Variants in XPO1 observed in about 807,000 individuals in gnomAD.
The protein encoded by XPO1 is exportin-1.
XPO1 carries 5 observed loss-of-function variants against 133.3 expected under a neutral mutation model. That is an observed-to-expected ratio of 0.04 (90% confidence interval 0.02 to 0.08). XPO1 has a LOEUF of 0.08. Among genes scored for constraint, XPO1 ranks in the 10% least tolerant of loss-of-function variants. The probability of loss-of-function intolerance (pLI) is 1.00; values close to 1 mark genes in which losing one functional copy is unlikely to be tolerated. For synonymous variants in XPO1, 419 were observed against 408.2 expected, an observed-to-expected ratio of 1.03 and a Z score of -0.32; for missense variants, 506 against 1,267.5, an observed-to-expected ratio of 0.40 and a Z score of 9.12.
At chr2:61,504,948 C>T (rs976143087) in intron 4 of XPO1, among the ~76,000 whole-genome samples, 3 of 152,120 alleles carry the variant, frequency 2.0e-5, no homozygotes, top group African/African-American at 7.2e-5. Flanking sequence ...TGTTAAGTGT[C>T]AATATGCATA....
In XPO1 at chr2:61,496,894, C is replaced by G; in HGVS notation, c.873G>C (p.Met291Ile). 1 of 1,602,660 alleles carries G rather than the reference C, an allele frequency of 6.2e-7. No homozygotes were observed. Among genetic ancestry groups the G allele is most frequent in the Non-Finnish European group, 8.5e-7 (1 of 1,176,280 alleles). Residue 291 changes from methionine (M) to isoleucine (I), a missense_variant, in exon 10 of 25, where the codon ATG (methionine) becomes ATC (isoleucine). Coordinates refer to ENST00000401558, the MANE Select transcript of XPO1 (RefSeq NM_003400.4). ...ATTATATTACCTGCTTTAGTTGCAT[C>G]ATTGTCAGAGTAAATAGTGTTACAA... Reference protein sequence around the residue: ...EQFVTLFTLTMMQLKQMLPLN... With the variant: ...EQFVTLFTLTIMQLKQMLPLN...
chr2:61,526,606 CA>C, intron 2 of XPO1, 85 bp from the exon 3 acceptor site: 1 of 989,830 alleles, frequency 1.0e-6, no homozygotes. Flanking sequence ...GAGCAAGGCA[CA>C]AATTCTAATT....
At chr2:61,527,494 A>G (rs1017343355) in intron 2 of XPO1, among the ~76,000 whole-genome samples, 5 of 152,134 alleles carry the variant, frequency 3.3e-5, no homozygotes, top group Non-Finnish European at 7.4e-5. Context: ...GTCTCTAGAA[A>G]AACAAAAAAA....
intron 4 of XPO1, among the ~76,000 whole-genome samples, chr2:61,517,589 A>C (rs1698455611): frequency 6.6e-6 from 1 of 152,162 alleles, no homozygotes; most frequent in Non-Finnish European, 1.5e-5. Flanking sequence ...TTGTCTCAAA[A>C]CAAATGAATA....
Position 61,502,260 on chromosome 2 carries a change from T to C in XPO1, c.352A>G (p.Thr118Ala), listed in dbSNP as rs201985185. Residue 118 changes from threonine (T) to alanine (A), a missense_variant, in exon 5 of 25, where the codon ACT (threonine) becomes GCT (alanine). Physicochemically the swap from Thr to Ala is moderately conservative, Grantham distance 58. Around this residue, in one of 6 missense-constraint regions of XPO1, gnomAD observed 68 missense variants for 210.5 expected, o/e 0.32. Coordinates refer to ENST00000401558, the MANE Select transcript of XPO1 (RefSeq NM_003400.4). ...AAATAAACTCTTACCTCTACACAAG[T>C]TGGGTCAGATGACGTCTTGATAATG... ...GLIIKTSSDP[T>A]CVEKEKVYIG... is the part of the protein sequence containing the mutation. 1.7e-5 allele frequency: 27 copies of C among 1,613,180 alleles called. No individual in the cohort carries two copies. The highest frequency in any genetic ancestry group is 2.2e-5 in the East Asian group (1 of 44,874).
chr2:61,529,500 T>A (rs908057339), intron 2 of XPO1, among the ~76,000 whole-genome samples: 12 of 151,648 alleles, frequency 7.9e-5, no homozygotes, highest in African/African-American at 1.5e-4. Context: ...TACTAAAAAT[T>A]CAAAAATTAG....
chr2:61,514,673 AC>A (rs1327851088), intron 4 of XPO1, among the ~76,000 whole-genome samples: 1 of 152,048 alleles, frequency 6.6e-6, no homozygotes, highest in East Asian at 1.9e-4. Flanking sequence ...CAAACTAAAA[AC>A]ATTGTCTATA....
At chr2:61,510,888 T>C (rs924394964) in intron 4 of XPO1, among the ~76,000 whole-genome samples, 6 of 147,216 alleles carry the variant, frequency 4.1e-5, no homozygotes. Flanking sequence ...AGTTAAGCCA[T>C]GATCCCGCCA....
chr2:61,515,973 A>ACAC (rs1558664414), intron 4 of XPO1, among the ~76,000 whole-genome samples: 4 of 145,262 alleles, frequency 2.8e-5, no homozygotes, highest in African/African-American at 7.5e-5. Flanking sequence ...ACACACACAC[A>ACAC]AAATTAGCCA....
Position 61,496,800 on chromosome 2 carries a change from TA to T in XPO1, c.888+78del, listed in dbSNP as rs1398868967. ...ATGGCTTATCTTTGATACGTCGTTC[TA>T]AAATAACTCATTTGGAATTTGGTAT... On this transcript the variant is annotated intron_variant, in intron 10 of 24. Coordinates refer to ENST00000401558, the MANE Select transcript of XPO1 (RefSeq NM_003400.4). The T allele has an allele frequency of 3.8e-6, 5 of 1,330,120 alleles. No individual in the cohort carries two copies. The African/African-American group carries it at 7.6e-5, about 20-fold the overall frequency. 82.4% of individuals were successfully genotyped at this position (1,330,120 alleles called of 1,614,324 possible).
rs1255216347 is a variant in XPO1, at chr2:61,496,933, T to A, written c.834A>T (p.Gln278His). 1 of 1,612,958 alleles carries A rather than the reference T, an allele frequency of 6.2e-7. No individual in the cohort carries two copies. The highest frequency in any genetic ancestry group is 1.3e-5 in the African/African-American group (1 of 74,986). The part of the protein sequence containing the change: ...LTEIAGVSVS[Q>H]YEEQFVTLFT... ...ATAGTGTTACAAATTGTTCTTCATA[T>A]TGGCTTACACTCACACCAGCAATCT... is the stretch of plus-strand genomic sequence containing the variant. The change falls in exon 10 of 25, where the codon CAA becomes CAT. Residue 278 changes from glutamine to histidine, a missense_variant. Coordinates refer to ENST00000401558, the MANE Select transcript of XPO1 (RefSeq NM_003400.4).
intron 4 of XPO1, among the ~76,000 whole-genome samples, chr2:61,515,879 C>T (rs111824457): frequency 0.017 from 2,481 of 144,334 alleles, 62 homozygotes; most frequent in African/African-American, 0.051. Context: ...GTCAGGAGAT[C>T]GAGACCATCC....
chr2:61,486,039 T>C, intron 19 of XPO1, 77 bp from the exon 20 acceptor site: 1 of 1,321,230 alleles, frequency 7.6e-7, no homozygotes, highest in East Asian at 2.5e-5. Context: ...GTTATTCCTG[T>C]CTATGAGATG....
chr2:61,492,051 T>C lies in XPO1; in HGVS notation c.1871A>G (p.Asp624Gly), dbSNP rs1697028808. 1 of 1,614,148 alleles carries C rather than the reference T, an allele frequency of 6.2e-7. No individual in the cohort carries two copies. Among genetic ancestry groups the C allele is most frequent in the Non-Finnish European group, 8.5e-7 (1 of 1,180,012 alleles). Reference protein sequence around the residue: ...ILNNINTIICDLQPQQVHTFY... With the variant: ...ILNNINTIICGLQPQQVHTFY... ...TTAACATACCTGTTGAGGCTGAAGATCACAAATAATAGTGTTAATGTTGTT... is the reference window on the plus strand; with the variant it reads ...TTAACATACCTGTTGAGGCTGAAGACCACAAATAATAGTGTTAATGTTGTT... The change falls in exon 16 of 25, where the codon GAT (aspartate) becomes GGT (glycine). Residue 624 changes from aspartate to glycine, a missense_variant. Transcript: ENST00000401558. This position sits in a 1 kb window ranked among gnomAD's most constrained non-coding sequence, Gnocchi z 5.6.
chr2:61,501,876 T>G, intron 6 of XPO1, 120 bp downstream of exon 6: 1 of 754,426 alleles, frequency 1.3e-6, no homozygotes. Context: ...CCTATTATTA[T>G]AAGAATACTA....
intron 19 of XPO1, among the ~76,000 whole-genome samples, 153 bp from the exon 20 acceptor site, chr2:61,486,115 A>G (rs930831304): frequency 6.6e-6 from 1 of 152,220 alleles, no homozygotes; most frequent in Non-Finnish European, 1.5e-5. Flanking sequence ...ACGTCAAAAC[A>G]GTTTTTAGCA....
Position 61,537,562 on chromosome 2 carries a change from C to T in XPO1, c.-7G>A, listed in dbSNP as rs1304884034. On this transcript the variant is annotated splice_region_variant and 5_prime_UTR_variant, in exon 1 of 25. Transcript: ENST00000401558. ...GGCCCCGAAGACACAGTCGACTTAC[C>T]CAGAGATTGAACCAACTGCTCCTTC... is the stretch of plus-strand genomic sequence containing the variant. 1.3e-5 allele frequency: 2 copies of T among 151,082 alleles called. No homozygotes were observed. Among genetic ancestry groups the T allele is most frequent in the Non-Finnish European group, 3.0e-5 (2 of 67,386 alleles). The allele number at this position is 151,082 out of a possible 1,614,324, so 9.4% of individuals were successfully genotyped here.
rs1486630797 is a variant in XPO1 at position 61,492,265 on chromosome 2, ACATT to A, written c.1723+56_1723+59del. 6 of 1,585,254 alleles carry A rather than the reference ACATT, an allele frequency of 3.8e-6. No individual in the cohort carries two copies. Among genetic ancestry groups the A allele is most frequent in the Non-Finnish European group, 5.1e-6 (6 of 1,171,260 alleles). On this transcript the variant is annotated intron_variant, in intron 15 of 24. Coordinates refer to ENST00000401558, the MANE Select transcript of XPO1 (RefSeq NM_003400.4). The surrounding 1 kb of genome is among the most constrained non-coding windows in gnomAD (Gnocchi z 5.6). Reference sequence around the variant, plus strand: ...ATCATGGGTCTCTAACAAGACAAAAACATTCATTTATTTTCTTCAATAAAAATAA... The same window carrying A: ...ATCATGGGTCTCTAACAAGACAAAAACATTTATTTTCTTCAATAAAAATAA...
intron 1 of XPO1, 46 bp from the exon 2 acceptor site, chr2:61,533,949 A>G (rs1699263169): frequency 1.4e-6 from 2 of 1,409,698 alleles, no homozygotes; most frequent in Non-Finnish European, 1.9e-6. Flanking sequence ...AAGTTTTGGT[A>G]TTATCAAAAA....
Sources: gnomAD v4.1 joint callset for allele counts (sites outside exome capture counted in the v4.1 genomes callset) on GRCh38, gnomAD v4.1.1 for gene constraint, gnomAD v4.1.1 regional missense constraint, Gnocchi (gnomAD v3.1) non-coding constraint, MANE v1.5 for transcripts, NCBI Gene and HGNC (gene_info 2026-07-23, HGNC 2026-07-21) for gene names.